The following ENO3 variants were observed in gnomAD, a reference collection of about 807,000 sequenced individuals.
ENO3 encodes enolase 3.
A neutral mutation model predicts 47.7 loss-of-function variants in ENO3; 46 were observed. The ratio of observed to expected loss-of-function variants is 0.96; its 90% CI spans 0.76 to 1.23. ENO3 has a LOEUF of 1.23. ENO3 is among the 50% of genes most tolerant of loss of function. ENO3 has a pLI of 0.00. For missense variants in ENO3, 575 were observed against 566.2 expected, an observed-to-expected ratio of 1.02 and a Z score of -0.16; for synonymous variants, 223 against 225.9, an observed-to-expected ratio of 0.99 and a Z score of 0.11.
At chr17:4,949,074 T>G (rs1368088715), upstream of ENO3, 2 of 151,860 alleles carry the variant, frequency 1.3e-5, no homozygotes, top group African/African-American at 4.8e-5. Context: ...CCGACCCGTG[T>G]GGACCCTGCG....
At chr17:4,955,661 T>C (rs773789750) in intron 8 of ENO3, 57 bp downstream of exon 8, 25 of 1,606,706 alleles carry the variant, frequency 1.6e-5, no homozygotes, top group Middle Eastern at 1.7e-4. Flanking sequence ...CTGCCTAATA[T>C]ACTGATTTCA....
chr17:4,953,147 A>T (rs1157560813), intron 4 of ENO3, 38 bp downstream of exon 4: 1 of 1,614,048 alleles, frequency 6.2e-7, no homozygotes, highest in East Asian at 2.2e-5. Flanking sequence ...CCTCCTCCCC[A>T]TGCCCCTGCT....
Position 4,952,804 on chromosome 17 carries a change from G to A in ENO3, c.95G>A (p.Arg32Gln), listed in dbSNP as rs376821730. 41 of 1,610,052 alleles carry A rather than the reference G, an allele frequency of 2.5e-5. No individual in the cohort carries two copies. In the African/African-American group the frequency reaches 3.1e-4, roughly 12 times the overall value. ...ATTCCTCCTGTCCCAGGCCGATTCC[G>A]AGCAGCTGTGCCCAGTGGGGCTTCC... is the stretch of plus-strand genomic sequence containing the variant. Reference protein sequence around the residue: ...VDLHTAKGRFRAAVPSGASTG... With the variant: ...VDLHTAKGRFQAAVPSGASTG... Residue 32 changes from arginine (R) to glutamine (Q), a missense_variant, in exon 3 of 12, where the codon CGA (arginine) becomes CAA (glutamine). By Grantham distance (43) the Arg-to-Gln change is conservative (BLOSUM62 1). Coordinates refer to ENST00000519602, the MANE Select transcript of ENO3 (RefSeq NM_053013.4).
At chr17:4,953,875 C>T in intron 6 of ENO3, 30 bp downstream of exon 6, 1 of 1,613,978 alleles carries the variant, frequency 6.2e-7, no homozygotes, top group South Asian at 1.1e-5. Flanking sequence ...CTTCCCAGAT[C>T]TCGCCTGGAC....
intron 3 of ENO3, 57 bp downstream of exon 3, chr17:4,952,947 A>C (rs1971594965): frequency 1.9e-6 from 3 of 1,610,572 alleles, no homozygotes; most frequent in Non-Finnish European, 2.5e-6. Context: ...ACATGGGTGC[A>C]CAATGGGTAG....
At position 4,951,855 on chromosome 17, in the gene ENO3, G is replaced by C. The variant is rs748021822; in HGVS notation, c.26G>C (p.Arg9Pro). Reference sequence around the variant, plus strand: ...ATGGCCATGCAGAAAATCTTTGCCCGGGAAATCTTGGACTCCAGGGGCAAC... The same window carrying C: ...ATGGCCATGCAGAAAATCTTTGCCCCGGAAATCTTGGACTCCAGGGGCAAC... MAMQKIFA[R>P]EILDSRGNPT... is the part of the protein sequence containing the mutation. The change falls in exon 2 of 12, where the codon CGG becomes CCG. Residue 9 changes from arginine (R) to proline (P), a missense_variant. Physicochemically the swap from Arg to Pro is moderately radical, Grantham distance 103. Coordinates refer to ENST00000519602, the MANE Select transcript of ENO3 (RefSeq NM_053013.4). The C allele has an allele frequency of 1.9e-6, 3 of 1,614,112 alleles. No individual in the cohort carries two copies. The highest frequency in any genetic ancestry group is 1.1e-5 in the South Asian group (1 of 91,078).
upstream of ENO3, among the ~76,000 whole-genome samples, chr17:4,949,751 G>C (rs1173140166): frequency 2.6e-5 from 4 of 152,148 alleles, no homozygotes; most frequent in Non-Finnish European, 5.9e-5. Flanking sequence ...AAGGGGGTTG[G>C]TTTTCTCTCT....
At chr17:4,953,994 C>T (rs1971640514) in intron 6 of ENO3, 149 bp downstream of exon 6, 4 of 1,218,042 alleles carry the variant, frequency 3.3e-6, no homozygotes, top group Middle Eastern at 5.2e-4. Flanking sequence ...GTGGTCCCAC[C>T]CCTCCCTCTC....
chr17:4,955,696 G>GCCAATTCTTCCA (rs1971703231), intron 8 of ENO3, 92 bp downstream of exon 8: 2 of 1,560,696 alleles, frequency 1.3e-6, no homozygotes, highest in Non-Finnish European at 1.8e-6. Context: ...CATCGACTTG[G>GCCAATTCTTCCA]ATCCTTCCAA....
intron 8 of ENO3, 140 bp from the exon 9 acceptor site, chr17:4,955,802 C>G: frequency 8.5e-7 from 1 of 1,174,404 alleles, no homozygotes; most frequent in Non-Finnish European, 1.3e-6. Context: ...TGCCCTGTCT[C>G]TGCCTTGTCT....
intron 1 of ENO3, 167 bp downstream of exon 1, chr17:4,951,349 G>C (rs939226003): frequency 3.3e-6 from 3 of 922,150 alleles, no homozygotes; most frequent in South Asian, 7.0e-5. Flanking sequence ...CAAACTCTGG[G>C]AACACCGAAG....
At chr17:4,955,625 A>C in intron 8 of ENO3, 21 bp downstream of exon 8, 1 of 1,614,170 alleles carries the variant, frequency 6.2e-7, no homozygotes, top group South Asian at 1.1e-5. Context: ...CGGGTGTCCC[A>C]GTGTTCCTGC....
At chr17:4,954,057 A>G in intron 6 of ENO3, 1 of 734,110 alleles carries the variant, frequency 1.4e-6, no homozygotes, top group Non-Finnish European at 2.3e-6. Flanking sequence ...TCCCTGCCAT[A>G]TAACCCAGTT....
rs780111010 is a variant in ENO3 at position 4,955,284 on chromosome 17, G to T, written c.654G>T (p.Leu218=). ...GDEGGFAPNI[L]ENNEALELLK... ...AAGGTGGCTTCGCACCCAACATCCT[G>T]GAGAACAATGAGGGTCAGTGCTGAG... The change falls in exon 7 of 12, where the codon CTG becomes CTT. Residue 218 remains leucine, a synonymous_variant. Coordinates refer to ENST00000519602, the MANE Select transcript of ENO3 (RefSeq NM_053013.4). The T allele has an allele frequency of 1.2e-6, 2 of 1,614,272 alleles. No homozygotes were observed. Among genetic ancestry groups the T allele is most frequent in the African/African-American group, 2.7e-5 (2 of 75,068 alleles).
In ENO3 at chr17:4,951,922, A is replaced by C; in HGVS notation, c.85+8A>C. Reference sequence around the variant, plus strand: ...ACCTGCACACGGCCAAGGGTAACACAAGGCCCATTGGATAGGCTCGCCTCC... The same window carrying C: ...ACCTGCACACGGCCAAGGGTAACACCAGGCCCATTGGATAGGCTCGCCTCC... On this transcript the variant is annotated splice_region_variant and intron_variant, in intron 2 of 11. Transcript: ENST00000519602. 4 of 1,614,012 alleles carry C rather than the reference A, an allele frequency of 2.5e-6. No homozygotes were observed. Among genetic ancestry groups the C allele is most frequent in the Non-Finnish European group, 3.4e-6 (4 of 1,179,924 alleles).
upstream of ENO3, among the ~76,000 whole-genome samples, chr17:4,949,544 G>A (rs1271293600): frequency 6.6e-6 from 1 of 152,040 alleles, no homozygotes; most frequent in African/African-American, 2.4e-5. Flanking sequence ...TTTCAAGAAG[G>A]GGAAAGTCCC....
Position 4,952,820 on chromosome 17 carries a change from T to C in ENO3, c.111T>C (p.Ser37=), listed in dbSNP as rs984120559. The part of the protein sequence containing the change: ...AKGRFRAAVP[S]GASTGIYEAL... The stretch of plus-strand genomic sequence containing the variant: ...GCCGATTCCGAGCAGCTGTGCCCAG[T>C]GGGGCTTCCACGGGTATCTATGAGG... Residue 37 remains serine, a synonymous_variant, in exon 3 of 12, where the codon AGT becomes AGC. Transcript: ENST00000519602. The C allele has an allele frequency of 6.2e-7, 1 of 1,611,466 alleles. No individual in the cohort carries two copies. The highest frequency in any genetic ancestry group is 8.5e-7 in the Non-Finnish European group (1 of 1,178,746).
Position 4,953,918 on chromosome 17 carries a change from C to T in ENO3, c.444+73C>T. 4 of 1,609,400 alleles carry T rather than the reference C, an allele frequency of 2.5e-6. No individual in the cohort carries two copies. The African/African-American group carries it at 4.0e-5, about 16-fold the overall frequency. ...ACCCCGCCCAGCCAGGGTTGGCCCC[C>T]CTGGAAAATCCACCTTTCAGACCAG... is the stretch of plus-strand genomic sequence containing the variant. On this transcript the variant is annotated intron_variant, in intron 6 of 11. Transcript: ENST00000519602.
rs1415970795 is a variant in ENO3, at chr17:4,952,788, G to T, written c.86-7G>T. Reference sequence around the variant, plus strand: ...TCCCTGTGATCTTCCAATTCCTCCTGTCCCAGGCCGATTCCGAGCAGCTGT... The same window carrying T: ...TCCCTGTGATCTTCCAATTCCTCCTTTCCCAGGCCGATTCCGAGCAGCTGT... On this transcript the variant is annotated splice_region_variant and splice_polypyrimidine_tract_variant and intron_variant, in intron 2 of 11. Transcript: ENST00000519602. 1 of 1,603,924 alleles carries T rather than the reference G, an allele frequency of 6.2e-7. No homozygotes were observed. Among genetic ancestry groups the T allele is most frequent in the Non-Finnish European group, 8.5e-7 (1 of 1,173,984 alleles).
Sources: allele counts gnomAD v4.1 joint callset (sites outside exome capture counted in the v4.1 genomes callset), GRCh38; gene constraint gnomAD v4.1.1; transcripts MANE v1.5; gene names NCBI Gene and HGNC (gene_info 2026-07-23, HGNC 2026-07-21).